Variants in IMMP2L observed in about 807,000 individuals in gnomAD.
IMMP2L encodes the protein inner mitochondrial membrane peptidase subunit 2.
In IMMP2L, 18 loss-of-function variants were observed where a neutral mutation model predicts 19.3. That is an observed-to-expected ratio of 0.93 (90% confidence interval 0.64 to 1.38). The LOEUF (loss-of-function observed/expected upper bound fraction) is 1.38, where lower values mean the gene tolerates loss of function less well. Ranked by LOEUF, IMMP2L falls within the 40% of genes most tolerant of loss-of-function variation. The pLI is 0.00. For missense variants in IMMP2L, 233 were observed against 218.2 expected, an observed-to-expected ratio of 1.07 and a Z score of -0.43; for synonymous variants, 76 against 73.0, an observed-to-expected ratio of 1.04 and a Z score of -0.21.
intron 3 of IMMP2L, among the ~76,000 whole-genome samples, chr7:111,108,470 G>A (rs1798799297): frequency 6.6e-6 from 1 of 151,954 alleles, no homozygotes; most frequent in Non-Finnish European, 1.5e-5. Context: ...TATTACTAGA[G>A]ATATAATATA....
intron 1 of IMMP2L, among the ~76,000 whole-genome samples, chr7:111,524,907 T>C (rs1045934660): frequency 2.6e-5 from 4 of 152,160 alleles, no homozygotes; most frequent in Admixed American, 6.6e-5. Context: ...TCCACTCATC[T>C]ACCCAGTCAC....
At chr7:110,779,656 C>T (rs985166538) in intron 5 of IMMP2L, among the ~76,000 whole-genome samples, 9 of 151,736 alleles carry the variant, frequency 5.9e-5, no homozygotes, top group East Asian at 1.9e-4. Context: ...CCAACTTTTA[C>T]GGTAAGCAAG....
chr7:110,778,909 C>T (rs1160539510), intron 5 of IMMP2L, among the ~76,000 whole-genome samples: 2 of 151,920 alleles, frequency 1.3e-5, no homozygotes, highest in Non-Finnish European at 2.9e-5. Flanking sequence ...TGGCCAAAAT[C>T]AAGTCATCGG....
chr7:111,329,332 C>G (rs78168168), intron 3 of IMMP2L, among the ~76,000 whole-genome samples: 6,604 of 151,734 alleles, frequency 0.044, 225 homozygotes, highest in South Asian at 0.082. Flanking sequence ...AACTAGAAAA[C>G]AAGGAAACTC....
intron 3 of IMMP2L, among the ~76,000 whole-genome samples, chr7:111,455,219 C>T (rs1348392145): frequency 3.3e-5 from 5 of 151,378 alleles, no homozygotes; most frequent in Admixed American, 2.6e-4. Context: ...ACCAGTTTTG[C>T]GTCTGTTTCA....
chr7:110,893,952 T>C (rs1056627691), intron 4 of IMMP2L, among the ~76,000 whole-genome samples: 1 of 152,036 alleles, frequency 6.6e-6, no homozygotes, highest in Non-Finnish European at 1.5e-5. Context: ...CATGGCAAAC[T>C]TATCTATGAG....
chr7:110,947,101 ATTC>A (rs1817333612), intron 4 of IMMP2L, among the ~76,000 whole-genome samples: 1 of 152,208 alleles, frequency 6.6e-6, no homozygotes, highest in African/African-American at 2.4e-5. Context: ...TAAAATATTC[ATTC>A]TTTTAGCAAT....
At chr7:111,357,013 C>G (rs535542460) in intron 3 of IMMP2L, among the ~76,000 whole-genome samples, 7 of 152,144 alleles carry the variant, frequency 4.6e-5, no homozygotes, top group African/African-American at 1.7e-4. Flanking sequence ...AAGAGTGAAA[C>G]TCTGTCTCAA....
intron 5 of IMMP2L, among the ~76,000 whole-genome samples, chr7:110,702,916 C>T (rs762668766): frequency 3.9e-5 from 6 of 152,056 alleles, no homozygotes; most frequent in Admixed American, 2.0e-4. Context: ...TTGTACTGTA[C>T]GGTCTAAAAC....
chr7:110,882,322 TTCCTTCC>T (rs199597298), intron 5 of IMMP2L, among the ~76,000 whole-genome samples: 7,892 of 120,608 alleles, frequency 0.065, 328 homozygotes, highest in East Asian at 0.11. Context: ...CCTTCCTTCC[TTCCTTCC>T]TTCCTTCCTT....
intron 3 of IMMP2L, among the ~76,000 whole-genome samples, chr7:111,002,780 T>A (rs2014855): frequency 0.69 from 104,466 of 152,044 alleles, 36,924 homozygotes; most frequent in African/African-American, 0.84. Context: ...CCTGATGAAC[T>A]GTCTTAAGCA....
chr7:111,509,417 A>C (rs944052640), intron 2 of IMMP2L, among the ~76,000 whole-genome samples: 1 of 152,136 alleles, frequency 6.6e-6, no homozygotes, highest in African/African-American at 2.4e-5. Context: ...CCACATTTAA[A>C]ATTTCAGAAT....
intron 5 of IMMP2L, among the ~76,000 whole-genome samples, chr7:110,679,214 G>A (rs537310407): frequency 6.6e-6 from 1 of 152,158 alleles, no homozygotes; most frequent in African/African-American, 2.4e-5. Flanking sequence ...TAATTTCCCA[G>A]GATTGATGTT....
At chr7:111,393,297 C>T (rs1832564378) in intron 3 of IMMP2L, among the ~76,000 whole-genome samples, 2 of 152,074 alleles carry the variant, frequency 1.3e-5, no homozygotes, top group African/African-American at 4.8e-5. Flanking sequence ...TACTATAATG[C>T]TTTAATCTCT....
intron 3 of IMMP2L, among the ~76,000 whole-genome samples, chr7:111,366,354 A>AG (rs977593853): frequency 7.3e-5 from 11 of 151,720 alleles, no homozygotes; most frequent in African/African-American, 2.4e-4. Flanking sequence ...GAAAAAAAAA[A>AG]AAAGAAAGAG....
chr7:111,152,649 G>C (rs1804208069), intron 3 of IMMP2L, among the ~76,000 whole-genome samples: 1 of 152,052 alleles, frequency 6.6e-6, no homozygotes, highest in Non-Finnish European at 1.5e-5. Context: ...CAGAACAAAA[G>C]CAGATGCTAG....
chr7:111,513,626 T>C (rs1435949095), intron 2 of IMMP2L, among the ~76,000 whole-genome samples: 1 of 152,090 alleles, frequency 6.6e-6, no homozygotes, highest in Admixed American at 6.6e-5. Flanking sequence ...GGAAATGAAA[T>C]CAGTAAGTCA....
At chr7:110,962,925 G>T (rs1290742129) in intron 4 of IMMP2L, 2 of 1,403,220 alleles carry the variant, frequency 1.4e-6, no homozygotes, top group Non-Finnish European at 1.8e-6. Context: ...GTATTTACTT[G>T]CTGAATGTCA....
At chr7:111,351,260 T>G (rs1361442898) in intron 3 of IMMP2L, among the ~76,000 whole-genome samples, 1 of 152,116 alleles carries the variant, frequency 6.6e-6, no homozygotes, top group Non-Finnish European at 1.5e-5. Flanking sequence ...GCGCAATCTC[T>G]GCTCACCGCA....
Sources: gnomAD v4.1 joint callset for allele counts (sites outside exome capture counted in the v4.1 genomes callset) on GRCh38, gnomAD v4.1.1 for gene constraint, MANE v1.5 for transcripts, NCBI Gene and HGNC (gene_info 2026-07-23, HGNC 2026-07-21) for gene names.